TBXT: variants seen among roughly 807,000 people sequenced by gnomAD.
TBXT encodes T-box transcription factor T.
TBXT carries 19 observed loss-of-function variants against 41.1 expected under a neutral mutation model. The observed-to-expected ratio is 0.46, with a 90% confidence interval of 0.32 to 0.68. The LOEUF (loss-of-function observed/expected upper bound fraction) is 0.68. Ranked by LOEUF, TBXT falls within the 30% of genes least tolerant of loss-of-function variation. The pLI is 0.03. For synonymous variants in TBXT, 213 were observed against 238.9 expected, an observed-to-expected ratio of 0.89 and a Z score of 1.00; for missense variants, 536 against 582.0, an observed-to-expected ratio of 0.92 and a Z score of 0.81.
intron 6 of TBXT, among the ~76,000 whole-genome samples, chr6:166,161,694 G>A (rs1033132804): frequency 8.2e-5 from 12 of 146,274 alleles, no homozygotes; most frequent in African/African-American, 2.2e-4. Flanking sequence ...AGGCCGAGGC[G>A]GGTGGATCAC....
chr6:166,166,800 T>A lies in TBXT; in HGVS notation c.263A>T (p.Tyr88Phe). 1 of 1,613,662 alleles carries A rather than the reference T, an allele frequency of 6.2e-7. No individual in the cohort carries two copies. Among genetic ancestry groups the A allele is most frequent in the Non-Finnish European group, 8.5e-7 (1 of 1,179,984 alleles). Reference sequence around the variant, plus strand: ...CGCCACGAAGTCCAGCAGGAAGGAGTACATGGCGTTGGGGTCCAGGCCAGA... The same window carrying A: ...CGCCACGAAGTCCAGCAGGAAGGAGAACATGGCGTTGGGGTCCAGGCCAGA... ...NVSGLDPNAMYSFLLDFVAAD... is the reference protein window; with the variant it reads ...NVSGLDPNAMFSFLLDFVAAD... The change falls in exon 2 of 8, where the codon TAC (tyrosine) becomes TTC (phenylalanine). Residue 88 changes from tyrosine (Y) to phenylalanine (F), a missense_variant. Coordinates refer to ENST00000366876, the MANE Select transcript of TBXT (RefSeq NM_001366285.2).
At chr6:166,164,057 G>T (rs796785579) in intron 5 of TBXT, among the ~76,000 whole-genome samples, 1 of 152,200 alleles carries the variant, frequency 6.6e-6, no homozygotes, top group Admixed American at 6.5e-5. Flanking sequence ...ATGAGAGAGA[G>T]CGTTTCTCCC....
rs1358022863 is a variant in TBXT, at chr6:166,158,110, C to T, written c.*205G>A. 2 of 757,414 alleles carry T rather than the reference C, an allele frequency of 2.6e-6. No individual in the cohort carries two copies. Among genetic ancestry groups the T allele is most frequent in the East Asian group, 2.7e-5 (1 of 37,206 alleles). The allele number at this position is 757,414 out of a possible 1,614,324, so 46.9% of individuals were successfully genotyped here. A position where few individuals can be genotyped will look rare whatever the true frequency, so the allele number is the denominator to read the frequency against. On this transcript the variant is annotated 3_prime_UTR_variant, in exon 8 of 8. Coordinates refer to ENST00000366876, the MANE Select transcript of TBXT (RefSeq NM_001366285.2). ...CATCTGTAAGCCACCTGGGACAGCA[C>T]CGCTACTGCAGGTGTGAGCAAGGGA...
upstream of TBXT, chr6:166,168,391 G>A (rs1779212749): frequency 6.6e-6 from 1 of 152,356 alleles, no homozygotes; most frequent in Non-Finnish European, 1.5e-5. Context: ...CCGGGCTTTG[G>A]GATGCGCCGC....
intron 2 of TBXT, 103 bp from the exon 3 acceptor site, chr6:166,165,943 A>C: frequency 1.3e-6 from 2 of 1,560,220 alleles, no homozygotes; most frequent in Non-Finnish European, 1.8e-6. Flanking sequence ...ATCCCAAGAA[A>C]GTGTCTCTGC....
At chr6:166,162,945 C>T (rs1381003799) in intron 5 of TBXT, among the ~76,000 whole-genome samples, 1 of 152,222 alleles carries the variant, frequency 6.6e-6, no homozygotes, top group Non-Finnish European at 1.5e-5. Context: ...CAGTCTGCCT[C>T]ACAAGACATC....
chr6:166,163,233 CCA>C lies in TBXT; in HGVS notation c.731-612_731-611del, dbSNP rs372488810. On this transcript the variant is annotated intron_variant, in intron 5 of 7. Coordinates refer to ENST00000366876, the MANE Select transcript of TBXT (RefSeq NM_001366285.2). ...TGCCCTCCCCTTCTCCTCCTGCCAC[CCA>C]CAGAGACGGGAGGTGCCTTCCTAGC... Among the ~76,000 whole-genome samples the C allele has an allele frequency of 3.2e-4, 49 of 152,274 alleles. No individual in the cohort carries two copies. The East Asian group carries it at 5.6e-3, about 17-fold the overall frequency.
chr6:166,163,292 T>G (rs1298539180), intron 5 of TBXT, among the ~76,000 whole-genome samples: 1 of 152,108 alleles, frequency 6.6e-6, no homozygotes, highest in Non-Finnish European at 1.5e-5. Context: ...CTCACTCTCC[T>G]GGTTTAAGCT....
At position 166,161,048 on chromosome 6, in the gene TBXT, T is replaced by A. The variant is rs1582965758; in HGVS notation, c.908-82A>T. The stretch of plus-strand genomic sequence containing the variant: ...AGTACAGTGAAATACCACCAATAAC[T>A]GAAGCTACGTAACACTGAAAACAAA... On this transcript the variant is annotated intron_variant, in intron 6 of 7. Transcript: ENST00000366876. The A allele has an allele frequency of 3.9e-6, 6 of 1,556,450 alleles. No individual in the cohort carries two copies. In the East Asian group the frequency reaches 1.1e-4, roughly 29 times the overall value.
chr6:166,165,910 C>T (rs1490042503), intron 2 of TBXT, 70 bp from the exon 3 acceptor site: 1 of 1,606,010 alleles, frequency 6.2e-7, no homozygotes, highest in Non-Finnish European at 8.5e-7. Context: ...ATCCATTTCT[C>T]CAGGATGCAG....
At position 166,167,757 on chromosome 6, in the gene TBXT, C is replaced by T. The variant is rs1037941626; in HGVS notation, c.-166G>A. ...TCCCGGCACAGACCCGGGAGGAGGGCGCGGACCAAGACTTGGGGGGAGGGG... is the reference window on the plus strand; with the variant it reads ...TCCCGGCACAGACCCGGGAGGAGGGTGCGGACCAAGACTTGGGGGGAGGGG... On this transcript the variant is annotated 5_prime_UTR_variant, in exon 1 of 8. Coordinates refer to ENST00000366876, the MANE Select transcript of TBXT (RefSeq NM_001366285.2). The T allele has an allele frequency of 7.2e-6, 6 of 828,624 alleles. No homozygotes were observed. The highest frequency in any genetic ancestry group is 9.4e-6 in the Non-Finnish European group (5 of 529,568). 51.3% of individuals were successfully genotyped at this position (828,624 alleles called of 1,614,324 possible).
chr6:166,168,614 G>A (rs1242047551), upstream of TBXT: 1 of 152,414 alleles, frequency 6.6e-6, no homozygotes, highest in Non-Finnish European at 1.5e-5. Context: ...CGCGCAGAGA[G>A]GGAAATGGAC....
intron 2 of TBXT, 43 bp from the exon 3 acceptor site, chr6:166,165,883 C>A (rs1298405698): frequency 2.5e-6 from 4 of 1,613,100 alleles, no homozygotes; most frequent in Non-Finnish European, 3.4e-6. Flanking sequence ...GAAAGGCCTG[C>A]GTTAAAACAG....
intron 5 of TBXT, 126 bp from the exon 6 acceptor site, chr6:166,162,749 C>T (rs1438222488): frequency 6.0e-6 from 4 of 671,150 alleles, no homozygotes; most frequent in African/African-American, 3.6e-5. Flanking sequence ...AGGGACTCTC[C>T]CTCCATCACT....
chr6:166,160,402 C>T (rs767061439), intron 7 of TBXT, among the ~76,000 whole-genome samples: 1 of 152,202 alleles, frequency 6.6e-6, no homozygotes, highest in Non-Finnish European at 1.5e-5. Context: ...TCTCTTTAAG[C>T]TCTACCTACT....
At chr6:166,161,639 C>T (rs1345750198) in intron 6 of TBXT, among the ~76,000 whole-genome samples, 3 of 152,176 alleles carry the variant, frequency 2.0e-5, no homozygotes, top group Non-Finnish European at 4.4e-5. Flanking sequence ...TAAAAGCACA[C>T]TGGCCAGGCG....
chr6:166,159,995 G>C (rs1778905156), intron 7 of TBXT, among the ~76,000 whole-genome samples: 1 of 152,164 alleles, frequency 6.6e-6, no homozygotes, highest in African/African-American at 2.4e-5. Flanking sequence ...TTCTAGACAA[G>C]AATTAAGATC....
intron 3 of TBXT, 89 bp downstream of exon 3, chr6:166,165,617 G>T: frequency 6.2e-7 from 1 of 1,602,672 alleles, no homozygotes; most frequent in Non-Finnish European, 8.5e-7. Context: ...GTGCGGGTTA[G>T]CGCGTCTCCC....
chr6:166,164,277 AT>A (rs1243568739), intron 5 of TBXT, among the ~76,000 whole-genome samples: 12 of 150,182 alleles, frequency 8.0e-5, no homozygotes, highest in Non-Finnish European at 1.6e-4. Flanking sequence ...AGAGGAGGTA[AT>A]GAGCTAGATT....
Sources: allele counts gnomAD v4.1 joint callset (sites outside exome capture counted in the v4.1 genomes callset), GRCh38; gene constraint gnomAD v4.1.1; transcripts MANE v1.5; gene names NCBI Gene and HGNC (gene_info 2026-07-23, HGNC 2026-07-21).